FHIT: variants seen among roughly 807,000 people sequenced by gnomAD.
The protein encoded by FHIT is fragile histidine triad diadenosine triphosphatase.
In FHIT, 19 loss-of-function variants were observed where a neutral mutation model predicts 17.9. That is an observed-to-expected ratio of 1.06 (90% CI 0.74 to 1.56). The LOEUF (loss-of-function observed/expected upper bound fraction) is 1.56. FHIT is among the 40% of genes most tolerant of loss of function. The pLI is 0.00. For synonymous variants in FHIT, 81 were observed against 69.7 expected, an observed-to-expected ratio of 1.16 and a Z score of -0.81; for missense variants, 248 against 189.2, an observed-to-expected ratio of 1.31 and a Z score of -1.82.
At chr3:60,276,827 G>A (rs1707162256) in intron 5 of FHIT, among the ~76,000 whole-genome samples, 1 of 152,108 alleles carries the variant, frequency 6.6e-6, no homozygotes, top group Non-Finnish European at 1.5e-5. Context: ...AGAGAGAGTA[G>A]AGGAAGTCCC....
chr3:60,538,752 A>C (rs2036077470), intron 4 of FHIT, among the ~76,000 whole-genome samples: 1 of 152,252 alleles, frequency 6.6e-6, no homozygotes, highest in Admixed American at 6.5e-5. Flanking sequence ...AGAAAGCAGA[A>C]ATTGGATCCC....
intron 2 of FHIT, among the ~76,000 whole-genome samples, chr3:61,084,141 A>T (rs2365054): frequency 3.3e-5 from 5 of 152,132 alleles, no homozygotes; most frequent in Non-Finnish European, 7.4e-5. Context: ...TGATACCCAA[A>T]TGATTCAGCA....
intron 4 of FHIT, among the ~76,000 whole-genome samples, chr3:60,553,559 A>ATT (rs2036642675): frequency 2.6e-4 from 36 of 140,740 alleles, no homozygotes; most frequent in African/African-American, 8.6e-4. Context: ...AGAGAGAGAG[A>ATT]GGCTCCTGAA....
chr3:60,502,884 G>A (rs2034579172), intron 5 of FHIT, among the ~76,000 whole-genome samples: 1 of 152,196 alleles, frequency 6.6e-6, no homozygotes, highest in Non-Finnish European at 1.5e-5. Flanking sequence ...TTCACTTGGT[G>A]AAAGGTTAGA....
At chr3:59,796,332 T>C (rs2106952476) in intron 8 of FHIT, among the ~76,000 whole-genome samples, 1 of 152,172 alleles carries the variant, frequency 6.6e-6, no homozygotes, top group East Asian at 1.9e-4. Flanking sequence ...ACCCTCTATC[T>C]CTCCCTTGGT....
Position 60,396,934 on chromosome 3 carries a change from C to G in FHIT, c.103+139926G>C, listed in dbSNP as rs560243536. ...AAAGGAAACTTTATCCTCCTCATATCTAAGTTTAATTTGGGAGGATGTGGG... is the reference window on the plus strand; with the variant it reads ...AAAGGAAACTTTATCCTCCTCATATGTAAGTTTAATTTGGGAGGATGTGGG... On this transcript the variant is annotated intron_variant, in intron 5 of 9. Transcript: ENST00000492590. 3.5e-4 allele frequency among the ~76,000 whole-genome samples: 54 copies of G among 152,192 alleles called. 1 individual carries two copies. Among genetic ancestry groups the G allele is most frequent in the Admixed American group, 2.8e-3 (43 of 15,286 alleles).
At chr3:60,917,274 T>C (rs543142838) in intron 3 of FHIT, among the ~76,000 whole-genome samples, 1 of 152,346 alleles carries the variant, frequency 6.6e-6, no homozygotes, top group East Asian at 1.9e-4. Flanking sequence ...AATCTGTTAC[T>C]ACTTCCTACT....
intron 4 of FHIT, among the ~76,000 whole-genome samples, chr3:60,759,550 A>AT (rs1184808950): frequency 1.3e-5 from 2 of 152,206 alleles, no homozygotes; most frequent in African/African-American, 4.8e-5. Context: ...GTCATTACAG[A>AT]TTGACAGATC....
At position 61,195,997 on chromosome 3, in the gene FHIT, G is replaced by A. The variant is rs149698509; in HGVS notation, c.-164+4620C>T. Reference sequence around the variant, plus strand: ...CGGCTTAGCAACAGAAAAAAATTACGTAATCATGATAATGTAAATATTACC... The same window carrying A: ...CGGCTTAGCAACAGAAAAAAATTACATAATCATGATAATGTAAATATTACC... On this transcript the variant is annotated intron_variant, in intron 2 of 9. Transcript: ENST00000492590. Among the ~76,000 whole-genome samples the A allele has an allele frequency of 8.9e-4, 136 of 152,136 alleles. 4 individuals carry two copies. In the East Asian group the frequency reaches 0.021, roughly 23 times the overall value.
At chr3:60,376,131 T>G (rs1463288094) in intron 5 of FHIT, among the ~76,000 whole-genome samples, 2 of 152,166 alleles carry the variant, frequency 1.3e-5, no homozygotes, top group Non-Finnish European at 2.9e-5. Context: ...TGTTTAAAAT[T>G]ATTTGTTTAA....
intron 7 of FHIT, among the ~76,000 whole-genome samples, chr3:60,007,503 C>G (rs914323616): frequency 6.6e-6 from 1 of 152,188 alleles, no homozygotes; most frequent in Non-Finnish European, 1.5e-5. Context: ...TCATCATTCT[C>G]TTCCCCACAC....
intron 5 of FHIT, among the ~76,000 whole-genome samples, chr3:60,293,599 A>G (rs921098542): frequency 1.3e-5 from 2 of 152,136 alleles, no homozygotes; most frequent in African/African-American, 4.8e-5. Context: ...ATAGGGAAAG[A>G]GCCTAAAATA....
rs534198658 is a variant in FHIT, at chr3:59,773,255, G to C, written c.349-20934C>G. Among the ~76,000 whole-genome samples the C allele has an allele frequency of 8.3e-4, 126 of 152,276 alleles. 2 individuals carry two copies. In the South Asian group the frequency reaches 0.025, roughly 30 times the overall value. On this transcript the variant is annotated intron_variant, in intron 8 of 9. Coordinates refer to ENST00000492590, the MANE Select transcript of FHIT (RefSeq NM_002012.4). Reference sequence around the variant, plus strand: ...CTGCCTGCCCAGAGCTCACAGCCCCGGTGGGTGACCCGGAAAATAAGCAGG... The same window carrying C: ...CTGCCTGCCCAGAGCTCACAGCCCCCGTGGGTGACCCGGAAAATAAGCAGG...
At chr3:59,907,634 G>C (rs1450878948) in intron 8 of FHIT, among the ~76,000 whole-genome samples, 1 of 152,218 alleles carries the variant, frequency 6.6e-6, no homozygotes, top group East Asian at 1.9e-4. Flanking sequence ...GGGGCAGGGT[G>C]TGCTCTACCC....
chr3:59,764,549 G>A (rs1248926695), intron 8 of FHIT, among the ~76,000 whole-genome samples: 1 of 152,078 alleles, frequency 6.6e-6, no homozygotes, highest in Non-Finnish European at 1.5e-5. Flanking sequence ...CTATTCCAAC[G>A]CCCTTCAAAG....
chr3:60,169,762 C>T (rs1244509429), intron 5 of FHIT, among the ~76,000 whole-genome samples: 1 of 152,178 alleles, frequency 6.6e-6, no homozygotes, highest in African/African-American at 2.4e-5. Context: ...CAGAAATCTC[C>T]AGCTGTTAGA....
chr3:60,092,706 G>C (rs1469457464), intron 5 of FHIT, among the ~76,000 whole-genome samples: 5 of 152,026 alleles, frequency 3.3e-5, no homozygotes, highest in African/African-American at 1.2e-4. Context: ...CAGCAAGAGG[G>C]GCCAAGATAT....
intron 2 of FHIT, among the ~76,000 whole-genome samples, chr3:61,180,830 A>G (rs917194824): frequency 1.3e-5 from 2 of 152,230 alleles, no homozygotes; most frequent in Admixed American, 6.5e-5. Flanking sequence ...AATTATAGAA[A>G]GAGCATGGGA....
intron 5 of FHIT, among the ~76,000 whole-genome samples, chr3:60,440,261 A>C (rs1348963836): frequency 6.6e-6 from 1 of 152,002 alleles, no homozygotes; most frequent in Non-Finnish European, 1.5e-5. Flanking sequence ...AGTTCCCAAG[A>C]CTAGACTTTT....
Sources: allele counts gnomAD v4.1 joint callset (sites outside exome capture counted in the v4.1 genomes callset), GRCh38; gene constraint gnomAD v4.1.1; transcripts MANE v1.5; gene names NCBI Gene and HGNC (gene_info 2026-07-23, HGNC 2026-07-21).